PRKG1: variants seen among roughly 807,000 people sequenced by gnomAD.
The protein encoded by PRKG1 is protein kinase cGMP-dependent 1, also known as cGMP-dependent protein kinase 1.
In PRKG1, 35 loss-of-function variants were observed where a neutral mutation model predicts 88.1. That is an observed-to-expected ratio of 0.40 (90% CI 0.30 to 0.53). The LOEUF (loss-of-function observed/expected upper bound fraction) is 0.53, where lower values mean the gene tolerates loss of function less well. PRKG1 is among the 20% of genes least tolerant of loss of function. PRKG1 has a pLI of 0.59. For synonymous variants in PRKG1, 303 were observed against 292.5 expected (o/e 1.04, Z -0.37); for missense variants, 540 against 839.8 (o/e 0.64, Z 4.41).
chr10:51,091,613 G>A (rs1402052518), intron 1 of PRKG1, among the ~76,000 whole-genome samples: 1 of 152,104 alleles, frequency 6.6e-6, no homozygotes, highest in African/African-American at 2.4e-5. Flanking sequence ...TGTGAGAAAA[G>A]CTCAATTGGC....
At chr10:51,794,327 C>G (rs1407952857) in intron 3 of PRKG1, among the ~76,000 whole-genome samples, 1 of 151,916 alleles carries the variant, frequency 6.6e-6, no homozygotes, top group South Asian at 2.1e-4. Context: ...ATAAAGAAAC[C>G]CAGATATAAA....
At chr10:52,131,013 T>C (rs924283172) in intron 7 of PRKG1, among the ~76,000 whole-genome samples, 7 of 152,170 alleles carry the variant, frequency 4.6e-5, no homozygotes, top group African/African-American at 1.7e-4. Context: ...ACATAGTGAG[T>C]GGCTACTCGT....
intron 2 of PRKG1, among the ~76,000 whole-genome samples, chr10:51,348,547 C>T (rs919941637): frequency 6.6e-6 from 1 of 152,162 alleles, no homozygotes; most frequent in African/African-American, 2.4e-5. Flanking sequence ...AGATCCCACA[C>T]AATGATGTTT....
At chr10:52,198,302 T>A (rs1839562927) in intron 9 of PRKG1, among the ~76,000 whole-genome samples, 1 of 152,220 alleles carries the variant, frequency 6.6e-6, no homozygotes, top group Non-Finnish European at 1.5e-5. Flanking sequence ...TGGAAAGAAA[T>A]AATTTGTTTG....
At chr10:51,371,256 G>A (rs1842700181) in intron 2 of PRKG1, among the ~76,000 whole-genome samples, 1 of 152,130 alleles carries the variant, frequency 6.6e-6, no homozygotes, top group Admixed American at 6.6e-5. Flanking sequence ...TGATGATCAT[G>A]CCAGGAATGG....
chr10:51,803,583 G>T (rs1468483840), intron 3 of PRKG1, among the ~76,000 whole-genome samples: 1 of 151,930 alleles, frequency 6.6e-6, no homozygotes, highest in African/African-American at 2.4e-5. Context: ...CATTCACTGG[G>T]CTTAGTCTTG....
chr10:51,401,363 T>G (rs1446337424), intron 2 of PRKG1, among the ~76,000 whole-genome samples: 4 of 152,150 alleles, frequency 2.6e-5, no homozygotes, highest in East Asian at 1.9e-4. Flanking sequence ...GGAGGCTGAT[T>G]TGGTTACAGA....
At chr10:52,281,761 C>G (rs1022942523) in intron 13 of PRKG1, among the ~76,000 whole-genome samples, 1 of 152,074 alleles carries the variant, frequency 6.6e-6, no homozygotes, top group Non-Finnish European at 1.5e-5. Context: ...TTCATTAAAT[C>G]CAGCAGAAAT....
At chr10:52,059,952 T>C (rs960668783) in intron 6 of PRKG1, among the ~76,000 whole-genome samples, 3 of 151,832 alleles carry the variant, frequency 2.0e-5, no homozygotes, top group African/African-American at 7.2e-5. Context: ...TAAAATAGTA[T>C]AATGAAGAGC....
At chr10:51,354,917 T>C (rs778475755) in intron 2 of PRKG1, among the ~76,000 whole-genome samples, 3 of 152,036 alleles carry the variant, frequency 2.0e-5, no homozygotes, top group African/African-American at 4.8e-5. Flanking sequence ...CTGACAGTTA[T>C]AGGGAGGACC....
intron 9 of PRKG1, among the ~76,000 whole-genome samples, chr10:52,165,898 G>C (rs1438156547): frequency 6.6e-6 from 1 of 152,182 alleles, no homozygotes; most frequent in African/African-American, 2.4e-5. Flanking sequence ...AGGAAGATTG[G>C]CTTGAGAGAA....
chr10:51,639,780 T>C (rs1000322890), intron 3 of PRKG1, among the ~76,000 whole-genome samples: 3 of 151,980 alleles, frequency 2.0e-5, no homozygotes, highest in South Asian at 2.1e-4. Flanking sequence ...GTTTTTGCCA[T>C]TACTTTTAAT....
intron 3 of PRKG1, among the ~76,000 whole-genome samples, chr10:51,579,850 A>T (rs1432883435): frequency 2.0e-5 from 3 of 152,138 alleles, no homozygotes; most frequent in African/African-American, 7.2e-5. Context: ...TGAATTTAGC[A>T]TGTAAAACAT....
chr10:51,459,306 G>C (rs1437474200), intron 2 of PRKG1, among the ~76,000 whole-genome samples: 1 of 152,132 alleles, frequency 6.6e-6, no homozygotes, highest in South Asian at 2.1e-4. Context: ...ATTGAATACT[G>C]TATATTAGAC....
intron 3 of PRKG1, among the ~76,000 whole-genome samples, chr10:51,641,715 C>T (rs902814490): frequency 2.6e-5 from 4 of 152,174 alleles, no homozygotes; most frequent in Non-Finnish European, 5.9e-5. Flanking sequence ...TATACTGGCT[C>T]ACTGCTAACC....
chr10:51,416,647 A>C (rs529967319), intron 2 of PRKG1, among the ~76,000 whole-genome samples: 5 of 152,216 alleles, frequency 3.3e-5, no homozygotes, highest in African/African-American at 7.2e-5. Context: ...GCACAGTGCC[A>C]GGCAGATGCA....
chr10:51,479,567 A>G (rs1477262134), intron 3 of PRKG1, among the ~76,000 whole-genome samples: 2 of 151,610 alleles, frequency 1.3e-5, no homozygotes, highest in Middle Eastern at 3.2e-3. Context: ...TCTTCTACTC[A>G]TCTTCCAATT....
intron 3 of PRKG1, among the ~76,000 whole-genome samples, chr10:51,548,445 A>G (rs1244013093): frequency 6.6e-6 from 1 of 152,144 alleles, no homozygotes; most frequent in Non-Finnish European, 1.5e-5. Flanking sequence ...ATTCTTTAGT[A>G]GTATTTTGGC....
At chr10:52,127,536 C>A (rs968790455) in intron 7 of PRKG1, among the ~76,000 whole-genome samples, 1 of 151,842 alleles carries the variant, frequency 6.6e-6, no homozygotes, top group African/African-American at 2.4e-5. Context: ...GAAATGTCAA[C>A]AAAACAAATT....
Sources: allele counts gnomAD v4.1 joint callset (sites outside exome capture counted in the v4.1 genomes callset), GRCh38; gene constraint gnomAD v4.1.1; transcripts MANE v1.5; gene names NCBI Gene and HGNC (gene_info 2026-07-23, HGNC 2026-07-21).